The following NEGR1 variants were observed in gnomAD, a reference collection of about 807,000 sequenced individuals.
NEGR1 encodes IgLON family member 4.
Under a neutral mutation model 40.9 loss-of-function variants are expected in NEGR1, and 10 were observed. That is an observed-to-expected ratio of 0.24 (90% confidence interval 0.15 to 0.42). The LOEUF (loss-of-function observed/expected upper bound fraction) is 0.42, where lower values mean the gene tolerates loss of function less well. NEGR1 is among the 10% of genes least tolerant of loss of function. The pLI is 1.00. For synonymous variants in NEGR1, 185 were observed against 166.8 expected (o/e 1.11, Z -0.84); for missense variants, 352 against 438.9 (o/e 0.80, Z 1.77).
chr1:72,240,983 G>A (rs986233296), intron 1 of NEGR1, among the ~76,000 whole-genome samples: 2 of 151,588 alleles, frequency 1.3e-5, no homozygotes, highest in Non-Finnish European at 1.5e-5. Flanking sequence ...AATAAAATTA[G>A]ATAAAAAAAC....
At chr1:71,861,668 T>G (rs944741800) in intron 2 of NEGR1, among the ~76,000 whole-genome samples, 3 of 152,098 alleles carry the variant, frequency 2.0e-5, no homozygotes, top group Non-Finnish European at 4.4e-5. Context: ...ATAAATAAAC[T>G]GATTATTCGC....
chr1:71,970,383 G>A (rs1184858547), intron 1 of NEGR1, among the ~76,000 whole-genome samples: 5 of 152,008 alleles, frequency 3.3e-5, no homozygotes, highest in Non-Finnish European at 7.4e-5. Flanking sequence ...CATATTTTGT[G>A]TTTTAGAAAA....
Position 71,461,018 on chromosome 1 carries a change from G to A in NEGR1, c.941-53448C>T, listed in dbSNP as rs1390144788. Among the ~76,000 whole-genome samples the A allele has an allele frequency of 2.0e-5, 3 of 151,436 alleles. No homozygotes were observed. The East Asian group carries it at 5.8e-4, about 29-fold the overall frequency. ...TCTGAAAATAAAATATATCTGTCTT[G>A]TGTTTGTCATGTATGGTGAACTTTC... On this transcript the variant is annotated intron_variant, in intron 6 of 6. Transcript: ENST00000357731.
At chr1:72,037,385 A>G (rs932928019) in intron 1 of NEGR1, among the ~76,000 whole-genome samples, 6 of 152,162 alleles carry the variant, frequency 3.9e-5, no homozygotes, top group Non-Finnish European at 5.9e-5. Context: ...TGAAGTCAAT[A>G]TTATTGTTAT....
intron 6 of NEGR1, among the ~76,000 whole-genome samples, chr1:71,492,287 G>C (rs1234659086): frequency 6.6e-6 from 1 of 152,066 alleles, no homozygotes; most frequent in African/African-American, 2.4e-5. Context: ...GTCTGCCTCT[G>C]TTAAGTATCC....
intron 1 of NEGR1, among the ~76,000 whole-genome samples, chr1:71,996,988 A>G (rs901465167): frequency 6.6e-6 from 1 of 152,016 alleles, no homozygotes; most frequent in East Asian, 1.9e-4. Flanking sequence ...ATTCACTAAG[A>G]GAGCTATGCT....
intron 1 of NEGR1, among the ~76,000 whole-genome samples, chr1:71,979,713 C>T (rs1646338104): frequency 1.3e-5 from 2 of 151,906 alleles, no homozygotes; most frequent in South Asian, 4.2e-4. Flanking sequence ...GATGAAAACT[C>T]AGTTTATTCT....
chr1:72,143,154 C>T (rs918210344), intron 1 of NEGR1, among the ~76,000 whole-genome samples: 1 of 151,860 alleles, frequency 6.6e-6, no homozygotes, highest in African/African-American at 2.4e-5. Context: ...CCGAGAGGCT[C>T]AAAAATTATT....
intron 6 of NEGR1, among the ~76,000 whole-genome samples, chr1:71,499,281 C>A (rs968523283): frequency 2.0e-5 from 3 of 151,520 alleles, no homozygotes; most frequent in Admixed American, 2.0e-4. Flanking sequence ...AAAAATGGAC[C>A]AGATTATATT....
chr1:71,440,916 G>A (rs1303129600), intron 6 of NEGR1, among the ~76,000 whole-genome samples: 1 of 152,148 alleles, frequency 6.6e-6, no homozygotes, highest in African/African-American at 2.4e-5. Context: ...GAATATTAAT[G>A]CTTCCAAATG....
chr1:71,754,772 T>C (rs527265992), intron 3 of NEGR1, among the ~76,000 whole-genome samples: 21 of 152,202 alleles, frequency 1.4e-4, no homozygotes, highest in Non-Finnish European at 2.8e-4. Flanking sequence ...TCTTATTCTA[T>C]CTTTTGTTAT....
chr1:71,864,440 A>G (rs72931733), intron 2 of NEGR1, among the ~76,000 whole-genome samples: 18,528 of 152,210 alleles, frequency 0.12, 1,224 homozygotes, highest in African/African-American at 0.15. Context: ...TTACACCTAA[A>G]AATTAGAAGG....
intron 1 of NEGR1, among the ~76,000 whole-genome samples, chr1:72,079,251 T>A (rs1485470844): frequency 1.3e-5 from 2 of 151,872 alleles, no homozygotes; most frequent in South Asian, 2.1e-4. Context: ...GCTGCATGAG[T>A]TCTGAGTGAC....
At chr1:71,835,355 T>A (rs990086093) in intron 2 of NEGR1, among the ~76,000 whole-genome samples, 1 of 152,090 alleles carries the variant, frequency 6.6e-6, no homozygotes, top group African/African-American at 2.4e-5. Context: ...TGCAAAGTTT[T>A]GAGGACAAAG....
chr1:72,124,522 C>T (rs1649935399), intron 1 of NEGR1, among the ~76,000 whole-genome samples: 1 of 152,014 alleles, frequency 6.6e-6, no homozygotes, highest in Admixed American at 6.6e-5. Flanking sequence ...TCCCGGGACC[C>T]CGTAATTTTA....
intron 4 of NEGR1, among the ~76,000 whole-genome samples, chr1:71,617,022 G>C (rs1432539390): frequency 6.6e-6 from 1 of 152,144 alleles, no homozygotes; most frequent in East Asian, 1.9e-4. Flanking sequence ...TGGAGACCAA[G>C]CACCTTGCAT....
chr1:71,931,020 G>A (rs916687071), intron 2 of NEGR1, among the ~76,000 whole-genome samples: 1 of 152,122 alleles, frequency 6.6e-6, no homozygotes, highest in Non-Finnish European at 1.5e-5. Flanking sequence ...TCCTCAAAAG[G>A]GCCCGGAATG....
At chr1:71,571,329 C>A (rs1648801405) in intron 6 of NEGR1, among the ~76,000 whole-genome samples, 2 of 152,210 alleles carry the variant, frequency 1.3e-5, no homozygotes, top group African/African-American at 2.4e-5. Context: ...TCTCATAATT[C>A]TCTGAAGCAC....
At chr1:72,024,432 T>G (rs1646789169) in intron 1 of NEGR1, among the ~76,000 whole-genome samples, 1 of 152,068 alleles carries the variant, frequency 6.6e-6, no homozygotes, top group African/African-American at 2.4e-5. Context: ...TTCTTCATAT[T>G]AAATTATATG....
Sources: gnomAD v4.1 joint callset for allele counts (sites outside exome capture counted in the v4.1 genomes callset) on GRCh38, gnomAD v4.1.1 for gene constraint, MANE v1.5 for transcripts, NCBI Gene and HGNC (gene_info 2026-07-23, HGNC 2026-07-21) for gene names.